FBXO42: variants seen among roughly 807,000 people sequenced by gnomAD.
FBXO42 encodes F-box protein 42.
A neutral mutation model predicts 71.7 loss-of-function variants in FBXO42; 12 were observed. The observed-to-expected ratio is 0.17, with a 90% CI of 0.11 to 0.27. The LOEUF (loss-of-function observed/expected upper bound fraction) is 0.27, where lower values mean the gene tolerates loss of function less well. FBXO42 is among the 10% of genes least tolerant of loss of function. FBXO42 has a pLI of 1.00. For missense variants in FBXO42, 707 were observed against 911.9 expected, an observed-to-expected ratio of 0.78 and a Z score of 2.89; for synonymous variants, 325 against 327.5, an observed-to-expected ratio of 0.99 and a Z score of 0.08.
intron 2 of FBXO42, among the ~76,000 whole-genome samples, chr1:16,308,789 G>C (rs2082282359): frequency 1.6e-5 from 2 of 124,456 alleles, no homozygotes; most frequent in African/African-American, 6.3e-5. Flanking sequence ...CTGCTGCCCA[G>C]GCTGGAGTGC....
At chr1:16,264,966 C>T in intron 4 of FBXO42, among the ~76,000 whole-genome samples, 1 of 152,170 alleles carries the variant, frequency 6.6e-6, no homozygotes, top group East Asian at 1.9e-4. Flanking sequence ...ATGCCACTTT[C>T]CCACAATTGT....
chr1:16,278,743 G>GGACAGTTATTTCTA (rs1553150996), intron 4 of FBXO42, among the ~76,000 whole-genome samples: 7 of 152,138 alleles, frequency 4.6e-5, no homozygotes, highest in Admixed American at 4.6e-4. Flanking sequence ...GTAATATTCT[G>GGACAGTTATTTCTA]GACAGTTATT....
chr1:16,274,511 CTCT>C, intron 4 of FBXO42, among the ~76,000 whole-genome samples: 1 of 150,360 alleles, frequency 6.7e-6, no homozygotes, highest in East Asian at 1.9e-4. Context: ...AAAACAAAAT[CTCT>C]GAGTTGTGCA....
In FBXO42 at chr1:16,302,995, ACACTGCTTGAGCT is replaced by A. The variant is rs2082212076; in HGVS notation, c.367+2795_367+2807del. Among the ~76,000 whole-genome samples, 3 of 152,178 alleles carry A rather than the reference ACACTGCTTGAGCT, an allele frequency of 2.0e-5. No individual in the cohort carries two copies. In the South Asian group the frequency reaches 6.2e-4, roughly 31 times the overall value. On this transcript the variant is annotated intron_variant, in intron 3 of 9. Transcript: ENST00000375592. ...CAGAGCCAAACCATATCTGGCGGGC[ACACTGCTTGAGCT>A]CAGGGGTTCGAGACCAGTCTGGACA...
At chr1:16,302,294 G>A (rs2082203601) in intron 3 of FBXO42, among the ~76,000 whole-genome samples, 1 of 152,116 alleles carries the variant, frequency 6.6e-6, no homozygotes. Context: ...CTGTAATCTA[G>A]GCACTTAGCA....
intron 4 of FBXO42, among the ~76,000 whole-genome samples, chr1:16,277,503 T>A (rs905065306): frequency 6.6e-6 from 1 of 151,444 alleles, no homozygotes. Flanking sequence ...GGCAAGCGGA[T>A]CACTTGAGCT....
chr1:16,289,197 C>T (rs762791662), intron 4 of FBXO42, among the ~76,000 whole-genome samples: 2 of 151,718 alleles, frequency 1.3e-5, no homozygotes, highest in Non-Finnish European at 2.9e-5. Context: ...GAGTTGAAGA[C>T]CAGCCCAGGC....
At chr1:16,338,129 G>A (rs2082569599) in intron 1 of FBXO42, among the ~76,000 whole-genome samples, 1 of 151,276 alleles carries the variant, frequency 6.6e-6, no homozygotes, top group African/African-American at 2.4e-5. Context: ...TGTGGTGGCA[G>A]GCGCCTGTAG....
intron 4 of FBXO42, among the ~76,000 whole-genome samples, chr1:16,288,285 C>T (rs1421056123): frequency 1.3e-5 from 2 of 152,064 alleles, no homozygotes; most frequent in Non-Finnish European, 1.5e-5. Flanking sequence ...CAAAAATTAG[C>T]TGGGCATGGT....
At chr1:16,255,609 AC>A in intron 6 of FBXO42, 101 bp downstream of exon 6, 1 of 924,228 alleles carries the variant, frequency 1.1e-6, no homozygotes, top group Non-Finnish European at 1.6e-6. Flanking sequence ...TGCTGGGATT[AC>A]AGGTGTGAAT....
intron 3 of FBXO42, among the ~76,000 whole-genome samples, chr1:16,296,098 G>C (rs1282020876): frequency 6.6e-6 from 1 of 152,182 alleles, no homozygotes; most frequent in Non-Finnish European, 1.5e-5. Context: ...CCAGAGTCTA[G>C]AAAAGATGCA....
chr1:16,276,869 TA>T (rs2081909899), intron 4 of FBXO42, among the ~76,000 whole-genome samples: 1 of 152,232 alleles, frequency 6.6e-6, no homozygotes, highest in African/African-American at 2.4e-5. Flanking sequence ...CTGAGAATTC[TA>T]AGAAATGTCA....
intron 1 of FBXO42, among the ~76,000 whole-genome samples, chr1:16,323,287 G>A (rs902657533): frequency 6.6e-6 from 1 of 151,702 alleles, no homozygotes; most frequent in African/African-American, 2.4e-5. Context: ...GCGTGGTGGT[G>A]GGCACCTGTA....
chr1:16,329,290 A>T (rs991339654), intron 1 of FBXO42, among the ~76,000 whole-genome samples: 17 of 151,736 alleles, frequency 1.1e-4, no homozygotes, highest in African/African-American at 4.1e-4. Flanking sequence ...TTGGATCAAA[A>T]CCCCAAGTAC....
intron 4 of FBXO42, among the ~76,000 whole-genome samples, chr1:16,257,810 A>G (rs1280647934): frequency 3.9e-5 from 6 of 151,906 alleles, no homozygotes; most frequent in Non-Finnish European, 7.4e-5. Context: ...CCTCCTGAGT[A>G]GCTGGGATTA....
At chr1:16,327,465 CA>C (rs1320126156) in intron 1 of FBXO42, among the ~76,000 whole-genome samples, 1 of 152,036 alleles carries the variant, frequency 6.6e-6, no homozygotes, top group Non-Finnish European at 1.5e-5. Flanking sequence ...TAAAACAAAA[CA>C]AAAATGCTAA....
chr1:16,318,134 T>C (rs1262709228), intron 1 of FBXO42, among the ~76,000 whole-genome samples: 1 of 151,984 alleles, frequency 6.6e-6, no homozygotes, highest in Admixed American at 6.6e-5. Flanking sequence ...TTTGTCAAAA[T>C]ACTGGCCGGG....
intron 1 of FBXO42, among the ~76,000 whole-genome samples, chr1:16,337,052 C>G (rs1432046530): frequency 6.6e-6 from 1 of 152,144 alleles, no homozygotes; most frequent in Non-Finnish European, 1.5e-5. Context: ...CATATTTTAT[C>G]TAAAATAGTT....
At chr1:16,316,986 A>T (rs1464875798) in intron 1 of FBXO42, among the ~76,000 whole-genome samples, 1 of 152,106 alleles carries the variant, frequency 6.6e-6, no homozygotes, top group East Asian at 1.9e-4. Context: ...ATGTTAAGCA[A>T]AAGAAGATAG....
Sources: allele counts gnomAD v4.1 joint callset (sites outside exome capture counted in the v4.1 genomes callset), GRCh38; gene constraint gnomAD v4.1.1; transcripts MANE v1.5; gene names NCBI Gene and HGNC (gene_info 2026-07-23, HGNC 2026-07-21).